Variants in SPON1 observed in about 807,000 individuals in gnomAD.
SPON1 encodes spondin 1, also known as spondin-1.
A neutral mutation model predicts 111.7 loss-of-function variants in SPON1; 52 were observed. That is an observed-to-expected ratio of 0.47 (90% CI 0.37 to 0.59). The LOEUF (loss-of-function observed/expected upper bound fraction) is 0.59. Among genes scored for constraint, SPON1 ranks in the 20% least tolerant of loss-of-function variants. SPON1 has a pLI of 0.00. For missense variants in SPON1, 957 were observed against 1,068.5 expected (o/e 0.90, Z 1.46); for synonymous variants, 410 against 395.8 (o/e 1.04, Z -0.43).
intron 14 of SPON1, 113 bp from the exon 15 acceptor site, chr11:14,262,599 G>T: frequency 7.3e-7 from 1 of 1,369,182 alleles, no homozygotes; most frequent in South Asian, 1.4e-5. Flanking sequence ...AAAATAGCAT[G>T]ACACAGCACC....
chr11:13,963,762 T>G (rs1403393269), intron 1 of SPON1, among the ~76,000 whole-genome samples: 1 of 152,062 alleles, frequency 6.6e-6, no homozygotes, highest in African/African-American at 2.4e-5. Flanking sequence ...AACCCCAAAT[T>G]ATTCTCTCGT....
At chr11:13,963,221 G>A in intron 1 of SPON1, 79 bp downstream of exon 1, 1 of 1,163,784 alleles carries the variant, frequency 8.6e-7, no homozygotes, top group African/African-American at 1.6e-5. Flanking sequence ...GCCGGAGGAG[G>A]GCGCGCGGTC....
In SPON1 at chr11:14,147,017, C is replaced by CTTTT. The variant is rs34930543; in HGVS notation, c.825+11476_825+11479dup. ...ACGTTAGAAGAAAACATGAAAGAACCTTTTTTTTTTTTTTTTTTTTTTTTT... is the reference window on the plus strand; with the variant it reads ...ACGTTAGAAGAAAACATGAAAGAACCTTTTTTTTTTTTTTTTTTTTTTTTTTTTT... On this transcript the variant is annotated intron_variant, in intron 6 of 15. Transcript: ENST00000576479. 3.5e-4 allele frequency among the ~76,000 whole-genome samples: 23 copies of CTTTT among 65,048 alleles called. 2 individuals carry two copies. The highest frequency in any genetic ancestry group is 5.3e-4 in the Non-Finnish European group (20 of 37,460). 42.7% of individuals were successfully genotyped at this position (65,048 alleles called of 152,430 possible).
chr11:14,032,041 G>T (rs550813240), intron 2 of SPON1, among the ~76,000 whole-genome samples: 1 of 152,166 alleles, frequency 6.6e-6, no homozygotes, highest in Non-Finnish European at 1.5e-5. Flanking sequence ...AATGTTCAAC[G>T]TGCTGAGGTT....
At chr11:14,150,505 G>A (rs1382500680) in intron 6 of SPON1, among the ~76,000 whole-genome samples, 3 of 152,066 alleles carry the variant, frequency 2.0e-5, no homozygotes, top group African/African-American at 4.8e-5. Flanking sequence ...TGATATGCAT[G>A]CAAATTACCC....
rs1194146519 is a variant in SPON1 at position 14,266,498 on chromosome 11, T to G, written c.*811T>G. ...GAACTTTTTGGTACTAAATCCTTAT[T>G]GGAACCAAGACAAAGGAAGCAAAAT... On this transcript the variant is annotated 3_prime_UTR_variant, in exon 16 of 16. Coordinates refer to ENST00000576479, the MANE Select transcript of SPON1 (RefSeq NM_006108.4). 2.6e-5 allele frequency: 4 copies of G among 152,132 alleles called. No individual in the cohort carries two copies. The highest frequency in any genetic ancestry group is 7.2e-5 in the African/African-American group (3 of 41,428). 9.4% of individuals were successfully genotyped at this position (152,132 alleles called of 1,614,324 possible).
chr11:14,161,736 G>A (rs1554931371), intron 6 of SPON1, among the ~76,000 whole-genome samples: 1 of 152,146 alleles, frequency 6.6e-6, no homozygotes. Flanking sequence ...AAAAAATAGA[G>A]TGGTTGTATG....
intron 5 of SPON1, among the ~76,000 whole-genome samples, chr11:14,088,821 T>G (rs1591372346): frequency 6.6e-6 from 1 of 152,088 alleles, no homozygotes; most frequent in African/African-American, 2.4e-5. Context: ...TTAGAGGCTG[T>G]GTTCGTTCCT....
intron 2 of SPON1, among the ~76,000 whole-genome samples, chr11:14,028,985 T>G (rs1290479857): frequency 6.6e-6 from 1 of 152,206 alleles, no homozygotes; most frequent in Non-Finnish European, 1.5e-5. Context: ...TCTTTTCTTA[T>G]TGAGGATTAC....
At chr11:14,028,801 T>C (rs1848537897) in intron 2 of SPON1, among the ~76,000 whole-genome samples, 1 of 152,170 alleles carries the variant, frequency 6.6e-6, no homozygotes, top group Non-Finnish European at 1.5e-5. Flanking sequence ...TGGGTGACTT[T>C]ACTCAAGGTC....
Position 14,135,457 on chromosome 11 carries a change from C to G in SPON1, c.714C>G (p.Ser238=). 1 of 1,613,214 alleles carries G rather than the reference C, an allele frequency of 6.2e-7. No homozygotes were observed. The highest frequency in any genetic ancestry group is 8.5e-7 in the Non-Finnish European group (1 of 1,179,356). ...ACTGGTCTGCGATCATCGGAGGATC[C>G]CACTCCAAGAATTATGTACTGTGGG... The part of the protein sequence containing the change: ...ANHWSAIIGG[S]HSKNYVLWEY... The change falls in exon 6 of 16, where the codon TCC becomes TCG. Residue 238 remains serine (S), a synonymous_variant. Coordinates refer to ENST00000576479, the MANE Select transcript of SPON1 (RefSeq NM_006108.4). The surrounding 1 kb of genome is among the most constrained non-coding windows in gnomAD (Gnocchi z 4.4).
chr11:14,233,584 A>T (rs1848827426), intron 6 of SPON1, among the ~76,000 whole-genome samples: 1 of 152,066 alleles, frequency 6.6e-6, no homozygotes, highest in South Asian at 2.1e-4. Flanking sequence ...CTAATTCATT[A>T]TTTATCCCTT....
chr11:14,120,860 C>T (rs1849299964), intron 5 of SPON1, among the ~76,000 whole-genome samples: 1 of 152,180 alleles, frequency 6.6e-6, no homozygotes, highest in African/African-American at 2.4e-5. Flanking sequence ...TTATTATTTC[C>T]ATTTCACAGG....
At chr11:14,083,359 G>A (rs1017974920) in intron 5 of SPON1, among the ~76,000 whole-genome samples, 1 of 152,130 alleles carries the variant, frequency 6.6e-6, no homozygotes, top group African/African-American at 2.4e-5. Context: ...GTCTCATATG[G>A]CTATGTAATT....
chr11:14,242,984 C>T (rs1848945585), intron 6 of SPON1, among the ~76,000 whole-genome samples: 1 of 152,242 alleles, frequency 6.6e-6, no homozygotes, highest in African/African-American at 2.4e-5. Flanking sequence ...GGACACAGAG[C>T]ATGGCTCTGC....
rs1435600084 is a variant in SPON1, at chr11:14,228,172, C to G, written c.826-15160C>G. ...CTGACCCTCGTAGCCTGGGTCCTTC[C>G]GAGTTTGGTATGCATACACCAGGGC... On this transcript the variant is annotated intron_variant, in intron 6 of 15. Coordinates refer to ENST00000576479, the MANE Select transcript of SPON1 (RefSeq NM_006108.4). This position sits in a 1 kb window ranked among gnomAD's most constrained non-coding sequence, Gnocchi z 4.2. Among the ~76,000 whole-genome samples the G allele has an allele frequency of 6.6e-6, 1 of 152,152 alleles. No homozygotes were observed. The highest frequency in any genetic ancestry group is 2.4e-5 in the African/African-American group (1 of 41,428).
chr11:13,985,751 G>C (rs1418965490), intron 2 of SPON1, among the ~76,000 whole-genome samples: 4 of 152,072 alleles, frequency 2.6e-5, no homozygotes, highest in Non-Finnish European at 1.5e-5. Flanking sequence ...AGTCCCCAAG[G>C]AGTTCACTAA....
intron 6 of SPON1, among the ~76,000 whole-genome samples, chr11:14,143,785 G>A (rs1554929035): frequency 6.6e-6 from 1 of 152,156 alleles, no homozygotes; most frequent in Non-Finnish European, 1.5e-5. Context: ...AGAGTTCAGA[G>A]CTGCACCAAT....
chr11:14,251,721 AC>A (rs1554940678), intron 7 of SPON1, among the ~76,000 whole-genome samples: 1 of 152,222 alleles, frequency 6.6e-6, no homozygotes, highest in African/African-American at 2.4e-5. Context: ...GGACAGCTGC[AC>A]CCAGGTGCCA....
Sources: gnomAD v4.1 joint callset for allele counts (sites outside exome capture counted in the v4.1 genomes callset) on GRCh38, gnomAD v4.1.1 for gene constraint, Gnocchi (gnomAD v3.1) non-coding constraint, MANE v1.5 for transcripts, NCBI Gene and HGNC (gene_info 2026-07-23, HGNC 2026-07-21) for gene names.